The following CRYBG1 variants were observed in gnomAD, a reference collection of about 807,000 sequenced individuals.
The protein encoded by CRYBG1 is beta/gamma crystallin domain-containing protein 1.
Under a neutral mutation model 189.2 loss-of-function variants are expected in CRYBG1, and 139 were observed. The observed-to-expected ratio is 0.73, with a 90% CI of 0.64 to 0.85. The LOEUF (loss-of-function observed/expected upper bound fraction) is 0.85, where lower values mean the gene tolerates loss of function less well. Ranked by LOEUF, CRYBG1 falls within the 40% of genes least tolerant of loss-of-function variation. The probability of loss-of-function intolerance (pLI) is 0.00; values close to 1 mark genes in which losing one functional copy is unlikely to be tolerated. For synonymous variants in CRYBG1, 1,023 were observed against 1,017.1 expected (o/e 1.01, Z -0.11); for missense variants, 2,611 against 2,675.8 (o/e 0.98, Z 0.53).
chr6:106,426,874 A>G (rs1771236162), intron 1 of CRYBG1, among the ~76,000 whole-genome samples: 2 of 152,240 alleles, frequency 1.3e-5, no homozygotes, highest in Non-Finnish European at 2.9e-5. Context: ...ACATCAGGTT[A>G]AGGGGCTGTC....
At chr6:106,505,680 G>A (rs1027191522) in intron 2 of CRYBG1, among the ~76,000 whole-genome samples, 1 of 150,848 alleles carries the variant, frequency 6.6e-6, no homozygotes, top group African/African-American at 2.4e-5. Context: ...GAAGTGTAAA[G>A]TAGCTCAAAT....
At chr6:106,402,922 T>A (rs1194461722) in intron 1 of CRYBG1, among the ~76,000 whole-genome samples, 1 of 152,194 alleles carries the variant, frequency 6.6e-6, no homozygotes, top group Admixed American at 6.5e-5. Flanking sequence ...ATTTAAGGAC[T>A]GAAATGTAAG....
chr6:106,504,666 T>C (rs1399935227), intron 2 of CRYBG1, among the ~76,000 whole-genome samples: 2 of 21,512 alleles, frequency 9.3e-5, no homozygotes, highest in Admixed American at 1.5e-3. Flanking sequence ...TGTGTGTATA[T>C]GTGTGTGTGT....
chr6:106,524,391 T>C (rs1035166082), intron 4 of CRYBG1, among the ~76,000 whole-genome samples: 10 of 151,926 alleles, frequency 6.6e-5, no homozygotes, highest in Non-Finnish European at 1.3e-4. Context: ...TGAAACCCCA[T>C]CTCTACTAAA....
chr6:106,435,911 A>G (rs1771444067), intron 1 of CRYBG1, among the ~76,000 whole-genome samples: 1 of 152,048 alleles, frequency 6.6e-6, no homozygotes, highest in South Asian at 2.1e-4. Flanking sequence ...ACCATCCAAG[A>G]AAAAATTAGT....
chr6:106,431,382 G>A (rs1287116249), intron 1 of CRYBG1, among the ~76,000 whole-genome samples: 1 of 152,016 alleles, frequency 6.6e-6, no homozygotes, highest in Non-Finnish European at 1.5e-5. Context: ...AAAGCATTTA[G>A]ATTCTAAGCC....
intron 2 of CRYBG1, among the ~76,000 whole-genome samples, chr6:106,473,530 G>T (rs1772278015): frequency 6.6e-6 from 1 of 152,196 alleles, no homozygotes; most frequent in African/African-American, 2.4e-5. Context: ...CTTAAAGAGA[G>T]AACCAGGCGA....
chr6:106,521,711 CTTTTTT>C (rs397976859), intron 4 of CRYBG1, among the ~76,000 whole-genome samples: 11 of 72,186 alleles, frequency 1.5e-4, no homozygotes, highest in African/African-American at 5.8e-4. Context: ...GGCACATGAT[CTTTTTT>C]TTTTTTTTTT....
rs148644336 is a variant in CRYBG1 at position 106,505,581 on chromosome 6, T to C, written c.313-5849T>C. ...TTCTCCCCCTTCCCCATTCCCCATC[T>C]TCGTTCTTTAGTTAGCTGTCACGAG... On this transcript the variant is annotated intron_variant, in intron 2 of 21. Transcript: ENST00000633556. 3.5e-4 allele frequency among the ~76,000 whole-genome samples: 53 copies of C among 151,732 alleles called. No homozygotes were observed. In the East Asian group the frequency reaches 6.9e-3, roughly 20 times the overall value.
At chr6:106,557,490 C>T (rs1033769604) in intron 17 of CRYBG1, among the ~76,000 whole-genome samples, 3 of 152,020 alleles carry the variant, frequency 2.0e-5, no homozygotes, top group African/African-American at 4.8e-5. Context: ...CTGCAACCTC[C>T]GCCTCCCAGG....
At position 106,519,776 on chromosome 6, in the gene CRYBG1, G is replaced by A; in HGVS notation, c.2568G>A (p.Gln856=). 6.2e-7 allele frequency: 1 copy of A among 1,614,184 alleles called. No individual in the cohort carries two copies. Among genetic ancestry groups the A allele is most frequent in the Non-Finnish European group, 8.5e-7 (1 of 1,180,040 alleles). ...CTCCAACGGCCATGCCAAAGCCACAGCATACATTTTCTGACTCACAGTCCC... is the reference window on the plus strand; with the variant it reads ...CTCCAACGGCCATGCCAAAGCCACAACATACATTTTCTGACTCACAGTCCC... ...DLPPTAMPKP[Q]HTFSDSQSPA... is the part of the protein sequence containing the mutation. The change falls in exon 4 of 22, where the codon CAG becomes CAA. Residue 856 remains glutamine (Q), a synonymous_variant. Coordinates refer to ENST00000633556, the MANE Select transcript of CRYBG1 (RefSeq NM_001371242.2).
Position 106,520,918 on chromosome 6 carries a change from T to C in CRYBG1, c.3710T>C (p.Leu1237Pro), listed in dbSNP as rs1246821703. 5.0e-6 allele frequency: 8 copies of C among 1,614,218 alleles called. No homozygotes were observed. Among genetic ancestry groups the C allele is most frequent in the Non-Finnish European group, 6.8e-6 (8 of 1,180,040 alleles). The change falls in exon 4 of 22, where the codon CTA becomes CCA. Residue 1237 changes from leucine (L) to proline (P), a missense_variant. This residue lies in a region of CRYBG1 where 1,622 missense variants were observed against 1,735.0 expected (regional missense o/e 0.93). Coordinates refer to ENST00000633556, the MANE Select transcript of CRYBG1 (RefSeq NM_001371242.2). ...VTNGGIKRSR[L>P]EKSALFSSLL... ...AATGGTGGCATTAAGAGATCGAGACTAGAAAAAAGTGCACTTTTCTCAAGC... is the reference window on the plus strand; with the variant it reads ...AATGGTGGCATTAAGAGATCGAGACCAGAAAAAAGTGCACTTTTCTCAAGC...
At chr6:106,385,240 T>C (rs1172815542) in intron 1 of CRYBG1, among the ~76,000 whole-genome samples, 1 of 152,202 alleles carries the variant, frequency 6.6e-6, no homozygotes, top group East Asian at 1.9e-4. Flanking sequence ...GTGTGTGCTC[T>C]GCATCCATCT....
At position 106,525,136 on chromosome 6, in the gene CRYBG1, C is replaced by G. The variant is rs779519418; in HGVS notation, c.4249C>G (p.Leu1417Val). The G allele has an allele frequency of 6.2e-7, 1 of 1,613,866 alleles. No homozygotes were observed. ...SGMSLSDTMTLRGSVQNKLNP... is the reference protein window; with the variant it reads ...SGMSLSDTMTVRGSVQNKLNP... ...GTTTTTGTTCATCTGATTGCAGACA[C>G]TTAGAGGAAGTGTCCAAAATAAACT... is the stretch of plus-strand genomic sequence containing the variant. The change falls in exon 5 of 22, where the codon CTT becomes GTT. Residue 1417 changes from leucine to valine, a missense_variant. Physicochemically the swap from Leu to Val is conservative, Grantham distance 32 (BLOSUM62 1). Transcript: ENST00000633556.
intron 1 of CRYBG1, among the ~76,000 whole-genome samples, chr6:106,396,625 G>C (rs1431202477): frequency 6.6e-6 from 1 of 152,186 alleles, no homozygotes; most frequent in Non-Finnish European, 1.5e-5. Flanking sequence ...CACATGTACA[G>C]ACTGTGGACT....
intron 1 of CRYBG1, among the ~76,000 whole-genome samples, chr6:106,403,419 G>A (rs1348099617): frequency 6.6e-6 from 1 of 152,192 alleles, no homozygotes; most frequent in Non-Finnish European, 1.5e-5. Flanking sequence ...CCGCGTTGTG[G>A]GATCATGGGT....
intron 2 of CRYBG1, among the ~76,000 whole-genome samples, chr6:106,470,976 G>A (rs1406773678): frequency 6.6e-6 from 1 of 152,134 alleles, no homozygotes; most frequent in African/African-American, 2.4e-5. Context: ...TTTGCACTGT[G>A]GAGTCAATAC....
intron 2 of CRYBG1, among the ~76,000 whole-genome samples, chr6:106,461,789 T>TG (rs1419560493): frequency 4.6e-5 from 7 of 152,050 alleles, no homozygotes; most frequent in African/African-American, 7.2e-5. Flanking sequence ...AGAGCCTCCA[T>TG]GGGGGGTTCA....
chr6:106,386,315 T>C (rs935510596), intron 1 of CRYBG1, among the ~76,000 whole-genome samples: 1 of 152,212 alleles, frequency 6.6e-6, no homozygotes, highest in African/African-American at 2.4e-5. Flanking sequence ...AAGGTTGGCT[T>C]GTGAGCTTAC....
Sources: gnomAD v4.1 joint callset for allele counts (sites outside exome capture counted in the v4.1 genomes callset) on GRCh38, gnomAD v4.1.1 for gene constraint, gnomAD v4.1.1 regional missense constraint, MANE v1.5 for transcripts, NCBI Gene and HGNC (gene_info 2026-07-23, HGNC 2026-07-21) for gene names.